The following LRRTM4 variants were observed in gnomAD, a reference collection of about 807,000 sequenced individuals.
LRRTM4 encodes the protein leucine-rich repeat transmembrane neuronal protein 4.
Under a neutral mutation model 47.6 loss-of-function variants are expected in LRRTM4, and 25 were observed. The observed-to-expected ratio is 0.53, with a 90% CI of 0.38 to 0.73. The LOEUF is 0.73. Among genes scored for constraint, LRRTM4 ranks in the 30% least tolerant of loss-of-function variants. The pLI, the probability that LRRTM4 is intolerant of heterozygous loss-of-function variation, is 0.00. For synonymous variants in LRRTM4, 311 were observed against 269.5 expected (o/e 1.15, Z -1.51); for missense variants, 638 against 713.4 (o/e 0.89, Z 1.20).
At chr2:77,381,640 A>G (rs1228432149) in intron 3 of LRRTM4, among the ~76,000 whole-genome samples, 1 of 152,068 alleles carries the variant, frequency 6.6e-6, no homozygotes, top group Non-Finnish European at 1.5e-5. Flanking sequence ...AATACCTACT[A>G]TAGATAATGA....
intron 3 of LRRTM4, among the ~76,000 whole-genome samples, chr2:77,459,224 A>C (rs1676681863): frequency 6.6e-6 from 1 of 152,126 alleles, no homozygotes; most frequent in Admixed American, 6.6e-5. Context: ...TTGCTGGAAG[A>C]AGTGTGCCAG....
At chr2:76,906,104 G>A (rs1269526296) in intron 3 of LRRTM4, among the ~76,000 whole-genome samples, 6 of 152,028 alleles carry the variant, frequency 3.9e-5, no homozygotes, top group Admixed American at 2.0e-4. Context: ...GAGAAAGGTC[G>A]GGTTACCCAC....
intron 3 of LRRTM4, among the ~76,000 whole-genome samples, chr2:76,884,512 T>G (rs1277183146): frequency 1.3e-5 from 2 of 152,184 alleles, no homozygotes; most frequent in Non-Finnish European, 2.9e-5. Flanking sequence ...GGTTTGCATA[T>G]ACTGCATAAA....
At chr2:77,447,999 GA>G in intron 3 of LRRTM4, among the ~76,000 whole-genome samples, 1 of 152,114 alleles carries the variant, frequency 6.6e-6, no homozygotes, top group Non-Finnish European at 1.5e-5. Flanking sequence ...ATTATTTATT[GA>G]AAGAATGGAT....
intron 3 of LRRTM4, among the ~76,000 whole-genome samples, chr2:77,119,189 AC>A (rs1409720761): frequency 1.3e-5 from 2 of 151,434 alleles, no homozygotes; most frequent in African/African-American, 2.4e-5. Context: ...TATACCTACC[AC>A]CCCCATCCCC....
At chr2:76,922,645 T>C (rs1300046081) in intron 3 of LRRTM4, among the ~76,000 whole-genome samples, 2 of 151,952 alleles carry the variant, frequency 1.3e-5, no homozygotes, top group Non-Finnish European at 2.9e-5. Context: ...AAAGAGATGT[T>C]GGTCAAAGCA....
At chr2:77,295,591 A>G (rs13384859) in intron 3 of LRRTM4, among the ~76,000 whole-genome samples, 17,007 of 152,068 alleles carry the variant, frequency 0.11, 1,924 homozygotes, top group African/African-American at 0.28. Flanking sequence ...GCAGAAATGT[A>G]TTTTCTCATA....
At chr2:77,231,096 A>G (rs1055874709) in intron 3 of LRRTM4, among the ~76,000 whole-genome samples, 9 of 152,198 alleles carry the variant, frequency 5.9e-5, no homozygotes, top group African/African-American at 2.2e-4. Context: ...CTTCGAATTT[A>G]ACGTGGATGT....
intron 3 of LRRTM4, among the ~76,000 whole-genome samples, chr2:77,434,321 G>C (rs1447344831): frequency 6.6e-6 from 1 of 151,908 alleles, no homozygotes; most frequent in Non-Finnish European, 1.5e-5. Context: ...TAAAAATGCT[G>C]CAAAAGATAC....
intron 3 of LRRTM4, among the ~76,000 whole-genome samples, chr2:76,919,743 G>T (rs2103804611): frequency 6.6e-6 from 1 of 152,226 alleles, no homozygotes; most frequent in East Asian, 1.9e-4. Flanking sequence ...CTCAGTTAAA[G>T]AAATCTTAAC....
chr2:77,521,594 C>T (rs144973147), intron 2 of LRRTM4, 74 bp downstream of exon 2: 7 of 1,580,958 alleles, frequency 4.4e-6, no homozygotes, highest in African/African-American at 2.7e-5. Context: ...CTTTTATCTG[C>T]TAATGCCACG....
At chr2:77,005,574 A>G (rs4853287) in intron 3 of LRRTM4, among the ~76,000 whole-genome samples, 62,512 of 152,062 alleles carry the variant, frequency 0.41, 12,981 homozygotes, top group East Asian at 0.52. Flanking sequence ...GAAGGGACCC[A>G]GTGGGAGGTA....
At chr2:77,014,511 T>C (rs1293734190) in intron 3 of LRRTM4, among the ~76,000 whole-genome samples, 1 of 150,578 alleles carries the variant, frequency 6.6e-6, no homozygotes, top group East Asian at 2.0e-4. Flanking sequence ...TTCATATATA[T>C]ATATATAAAG....
chr2:76,967,906 A>G (rs1427130838), intron 3 of LRRTM4, among the ~76,000 whole-genome samples: 2 of 151,274 alleles, frequency 1.3e-5, no homozygotes, highest in Non-Finnish European at 3.0e-5. Context: ...AACAGACACT[A>G]TGTCTTACTT....
At chr2:76,916,189 T>C (rs913157809) in intron 3 of LRRTM4, among the ~76,000 whole-genome samples, 9 of 151,156 alleles carry the variant, frequency 6.0e-5, no homozygotes, top group Admixed American at 5.9e-4. Context: ...AAAGTAGTAG[T>C]AGAATAACAT....
At chr2:76,828,098 T>C (rs1454234983) in intron 3 of LRRTM4, among the ~76,000 whole-genome samples, 1 of 151,958 alleles carries the variant, frequency 6.6e-6, no homozygotes, top group Admixed American at 6.6e-5. Flanking sequence ...GAATCATTTA[T>C]TTGGTCACTT....
intron 3 of LRRTM4, among the ~76,000 whole-genome samples, chr2:76,915,125 A>C (rs1674199798): frequency 6.6e-6 from 1 of 152,216 alleles, no homozygotes; most frequent in African/African-American, 2.4e-5. Flanking sequence ...TGCTATATGC[A>C]AGAAAATATT....
At chr2:76,921,293 G>C (rs927508520) in intron 3 of LRRTM4, among the ~76,000 whole-genome samples, 13 of 151,996 alleles carry the variant, frequency 8.6e-5, no homozygotes, top group African/African-American at 3.1e-4. Flanking sequence ...GATTAGGCTG[G>C]GGTTGTGTTT....
At chr2:77,111,476 G>A (rs773128449) in intron 3 of LRRTM4, among the ~76,000 whole-genome samples, 1 of 151,806 alleles carries the variant, frequency 6.6e-6, no homozygotes, top group Non-Finnish European at 1.5e-5. Flanking sequence ...CAGTTACCCA[G>A]GTCAACCAAA....
Sources: gnomAD v4.1 joint callset for allele counts (sites outside exome capture counted in the v4.1 genomes callset) on GRCh38, gnomAD v4.1.1 for gene constraint, MANE v1.5 for transcripts, NCBI Gene and HGNC (gene_info 2026-07-23, HGNC 2026-07-21) for gene names.